Variants in FAM13A observed in about 807,000 individuals in gnomAD.
FAM13A encodes the protein protein FAM13A.
A neutral mutation model predicts 129.6 loss-of-function variants in FAM13A; 76 were observed. The ratio of observed to expected loss-of-function variants is 0.59; its 90% CI spans 0.49 to 0.71. FAM13A has a LOEUF of 0.71. Ranked by LOEUF, FAM13A falls within the 30% of genes least tolerant of loss-of-function variation. The pLI is 0.00. For missense variants in FAM13A, 1,108 were observed against 1,249.3 expected (o/e 0.89, Z 1.70); for synonymous variants, 443 against 449.9 (o/e 0.98, Z 0.20).
chr4:88,766,651 G>A (rs1017737298), intron 13 of FAM13A, among the ~76,000 whole-genome samples: 1 of 152,108 alleles, frequency 6.6e-6, no homozygotes. Context: ...AACTCCATGG[G>A]GGAATAGACT....
intron 7 of FAM13A, among the ~76,000 whole-genome samples, chr4:88,807,642 A>C (rs962380868): frequency 6.6e-6 from 1 of 152,210 alleles, no homozygotes; most frequent in Non-Finnish European, 1.5e-5. Context: ...TCCAGCAGCC[A>C]CAACAAGATC....
intron 3 of FAM13A, among the ~76,000 whole-genome samples, chr4:89,008,070 ATCTGT>A (rs1410727622): frequency 3.3e-5 from 5 of 151,766 alleles, no homozygotes; most frequent in African/African-American, 9.7e-5. Flanking sequence ...GATTTCCGAG[ATCTGT>A]CGGAGATCAA....
chr4:88,765,829 C>T (rs1745628777), intron 13 of FAM13A, among the ~76,000 whole-genome samples: 1 of 152,148 alleles, frequency 6.6e-6, no homozygotes, highest in Non-Finnish European at 1.5e-5. Context: ...CTAACTGAAA[C>T]CATCATGTTA....
chr4:88,865,709 G>A (rs980444297), intron 6 of FAM13A, among the ~76,000 whole-genome samples: 4 of 152,150 alleles, frequency 2.6e-5, no homozygotes, highest in Non-Finnish European at 5.9e-5. Context: ...CTCTGCCGTG[G>A]ACAGCATGAA....
chr4:88,876,088 C>G (rs549356349), intron 6 of FAM13A, among the ~76,000 whole-genome samples: 22 of 152,046 alleles, frequency 1.4e-4, no homozygotes, highest in African/African-American at 4.1e-4. Context: ...AAGAACTGAA[C>G]AATGAGAACA....
At chr4:88,911,472 C>G (rs151243562) in intron 5 of FAM13A, among the ~76,000 whole-genome samples, 1 of 152,338 alleles carries the variant, frequency 6.6e-6, no homozygotes, top group East Asian at 1.9e-4. Flanking sequence ...CCTCTCTTCT[C>G]AAACCCCTTT....
intron 6 of FAM13A, among the ~76,000 whole-genome samples, chr4:88,871,488 A>C (rs1401545631): frequency 6.6e-6 from 1 of 152,232 alleles, no homozygotes; most frequent in African/African-American, 2.4e-5. Flanking sequence ...CACAAGAACT[A>C]TGTGATGCAT....
chr4:88,918,743 C>G (rs147668116), intron 5 of FAM13A, among the ~76,000 whole-genome samples: 1 of 152,322 alleles, frequency 6.6e-6, no homozygotes, highest in East Asian at 1.9e-4. Flanking sequence ...AAGTATTCAA[C>G]TAAGCTTTGT....
intron 5 of FAM13A, among the ~76,000 whole-genome samples, chr4:88,920,932 A>G (rs1189411744): frequency 6.6e-6 from 1 of 152,316 alleles, no homozygotes; most frequent in South Asian, 2.1e-4. Flanking sequence ...GATGTGATCA[A>G]CTGGAAGAAA....
intron 4 of FAM13A, among the ~76,000 whole-genome samples, chr4:88,950,638 A>G (rs1756800173): frequency 6.6e-6 from 1 of 152,224 alleles, no homozygotes; most frequent in Admixed American, 6.5e-5. Context: ...ACCAGAAAAA[A>G]GAGTGACAGT....
At chr4:89,018,325 C>T (rs1326900501) in intron 3 of FAM13A, among the ~76,000 whole-genome samples, 1 of 152,208 alleles carries the variant, frequency 6.6e-6, no homozygotes. Context: ...AGTGAGAAGG[C>T]AGCCATCTGC....
chr4:88,796,881 T>C (rs1451906550), intron 8 of FAM13A, among the ~76,000 whole-genome samples: 2 of 152,128 alleles, frequency 1.3e-5, no homozygotes, highest in Admixed American at 1.3e-4. Context: ...ATTCTGAATA[T>C]AGGAATCCTA....
chr4:88,996,940 T>C (rs1002263611), intron 3 of FAM13A, among the ~76,000 whole-genome samples: 1 of 152,196 alleles, frequency 6.6e-6, no homozygotes, highest in African/African-American at 2.4e-5. Flanking sequence ...TACATCTATA[T>C]TTCAAATATA....
At chr4:88,791,431 A>G (rs575163912) in intron 8 of FAM13A, among the ~76,000 whole-genome samples, 1 of 152,158 alleles carries the variant, frequency 6.6e-6, no homozygotes, top group African/African-American at 2.4e-5. Flanking sequence ...CATAACCACA[A>G]TGAGTGTTGA....
In FAM13A at chr4:88,819,900, C is replaced by T. The variant is rs184262191; in HGVS notation, c.1008-14848G>A. On this transcript the variant is annotated intron_variant, in intron 7 of 23. Coordinates refer to ENST00000264344, the MANE Select transcript of FAM13A (RefSeq NM_014883.4). Reference sequence around the variant, plus strand: ...CCTGTCTTTAAGCCATGTAGTGAATCATTAAGAACTGAGGACTTTACAGAA... The same window carrying T: ...CCTGTCTTTAAGCCATGTAGTGAATTATTAAGAACTGAGGACTTTACAGAA... 3.8e-4 allele frequency among the ~76,000 whole-genome samples: 58 copies of T among 152,214 alleles called. No homozygotes were observed. In the East Asian group the frequency reaches 8.5e-3, roughly 22 times the overall value.
At chr4:89,003,625 T>TG (rs1470667760) in intron 3 of FAM13A, among the ~76,000 whole-genome samples, 2 of 148,534 alleles carry the variant, frequency 1.3e-5, no homozygotes, top group South Asian at 4.2e-4. Context: ...ACAGAATGAG[T>TG]GGGGAAAAAA....
At chr4:88,776,973 C>G (rs944402390) in intron 11 of FAM13A, among the ~76,000 whole-genome samples, 1 of 130,546 alleles carries the variant, frequency 7.7e-6, no homozygotes, top group African/African-American at 2.8e-5. Context: ...AACTCCATCT[C>G]AAACAAACAA....
At chr4:89,005,296 T>A (rs182212906) in intron 3 of FAM13A, among the ~76,000 whole-genome samples, 254 of 152,288 alleles carry the variant, frequency 1.7e-3, no homozygotes, top group African/African-American at 5.6e-3. Flanking sequence ...TGTATTATAT[T>A]TTCTTTATCC....
chr4:88,786,027 T>G (rs1021934878), intron 10 of FAM13A, among the ~76,000 whole-genome samples: 4 of 152,182 alleles, frequency 2.6e-5, no homozygotes, highest in African/African-American at 9.7e-5. Context: ...TTGGTTCTCC[T>G]AATACTGCTA....
Sources: allele counts gnomAD v4.1 joint callset (sites outside exome capture counted in the v4.1 genomes callset), GRCh38; gene constraint gnomAD v4.1.1; transcripts MANE v1.5; gene names NCBI Gene and HGNC (gene_info 2026-07-23, HGNC 2026-07-21).